The following GBP7 variants were observed in gnomAD, a reference collection of about 807,000 sequenced individuals.
GBP7 encodes the protein guanylate binding protein 7, also known as guanylate-binding protein 7.
GBP7 carries 43 observed loss-of-function variants against 61.3 expected under a neutral mutation model. The observed-to-expected ratio is 0.70, with a 90% CI of 0.55 to 0.91. The LOEUF (loss-of-function observed/expected upper bound fraction) is 0.91, where lower values mean the gene tolerates loss of function less well. GBP7 is among the 40% of genes least tolerant of loss of function. GBP7 has a pLI of 0.00. For missense variants in GBP7, 717 were observed against 740.5 expected (o/e 0.97, Z 0.37); for synonymous variants, 267 against 271.0 (o/e 0.99, Z 0.14).
chr1:89,158,205 G>A (rs1007161937), intron 3 of GBP7, among the ~76,000 whole-genome samples: 1 of 152,064 alleles, frequency 6.6e-6, no homozygotes, highest in African/African-American at 2.4e-5. Context: ...TTGATGGGAT[G>A]TATTTCAAAA....
chr1:89,138,821 T>G (rs1479816237), intron 9 of GBP7, among the ~76,000 whole-genome samples: 1 of 152,016 alleles, frequency 6.6e-6, no homozygotes, highest in Non-Finnish European at 1.5e-5. Flanking sequence ...GAACAAAAAG[T>G]TAACAAGAGG....
chr1:89,165,552 A>T (rs535370323), intron 2 of GBP7, among the ~76,000 whole-genome samples: 1 of 151,894 alleles, frequency 6.6e-6, no homozygotes, highest in Non-Finnish European at 1.5e-5. Context: ...ATGAAGGGTC[A>T]TGTCCTCAGT....
chr1:89,172,350 A>T (rs1186277235), intron 1 of GBP7, among the ~76,000 whole-genome samples: 1 of 152,190 alleles, frequency 6.6e-6, no homozygotes, highest in Non-Finnish European at 1.5e-5. Flanking sequence ...CCAATCCAGG[A>T]TCCCTCATTG....
chr1:89,133,435 C>G lies in GBP7; in HGVS notation c.1485G>C (p.Lys495Asn), dbSNP rs750696119. 6.2e-7 allele frequency: 1 copy of G among 1,613,954 alleles called. No individual in the cohort carries two copies. Among genetic ancestry groups the G allele is most frequent in the South Asian group, 1.1e-5 (1 of 91,086 alleles). ...GCTCCTGTTCCTTTTCAGCTGCCTC[C>G]TTCTTAGCCTGCTTAGCTGTTCCAC... is the stretch of plus-strand genomic sequence containing the variant. ...EKAIAAKQAK[K>N]EAAEKEQELL... The change falls in exon 10 of 11, where the codon AAG becomes AAC. Residue 495 changes from lysine to asparagine, a missense_variant. Physicochemically the swap from Lys to Asn is moderately conservative, Grantham distance 94 (BLOSUM62 0). This residue lies in a region of GBP7 where 312 missense variants were observed against 310.1 expected (regional missense o/e 1.01). Coordinates refer to ENST00000294671, the MANE Select transcript of GBP7 (RefSeq NM_207398.3).
chr1:89,150,810 C>T (rs1464974722), intron 5 of GBP7, among the ~76,000 whole-genome samples: 1 of 152,150 alleles, frequency 6.6e-6, no homozygotes, highest in Non-Finnish European at 1.5e-5. Flanking sequence ...GGGAATGCAT[C>T]CACCTCAAGT....
At chr1:89,134,830 T>C (rs1395079169) in intron 9 of GBP7, among the ~76,000 whole-genome samples, 1 of 152,152 alleles carries the variant, frequency 6.6e-6, no homozygotes, top group African/African-American at 2.4e-5. Context: ...TCCTCAGCAA[T>C]AGTTCCTAAT....
intron 2 of GBP7, among the ~76,000 whole-genome samples, chr1:89,166,044 C>A (rs1368982963): frequency 6.6e-6 from 1 of 152,134 alleles, no homozygotes; most frequent in East Asian, 1.9e-4. Context: ...TTGGACTTCC[C>A]AACCTCCAGA....
chr1:89,155,124 C>T (rs995161591), intron 3 of GBP7, among the ~76,000 whole-genome samples: 8 of 152,242 alleles, frequency 5.3e-5, no homozygotes, highest in Admixed American at 1.3e-4. Flanking sequence ...TCCAACAGAC[C>T]TGCAGCTGAA....
chr1:89,162,571 T>C (rs1647307891), intron 3 of GBP7, among the ~76,000 whole-genome samples: 3 of 152,172 alleles, frequency 2.0e-5, no homozygotes, highest in Admixed American at 2.0e-4. Flanking sequence ...TTGACTGTGG[T>C]TGGTGTATAG....
At chr1:89,138,607 T>C (rs1681865746) in intron 9 of GBP7, among the ~76,000 whole-genome samples, 1 of 152,148 alleles carries the variant, frequency 6.6e-6, no homozygotes, top group Admixed American at 6.6e-5. Context: ...TAAATGGTGC[T>C]GGGTTAACTG....
chr1:89,149,837 T>C (rs1682152840), intron 6 of GBP7, among the ~76,000 whole-genome samples: 1 of 151,858 alleles, frequency 6.6e-6, no homozygotes, highest in East Asian at 1.9e-4. Context: ...TCACAAACAA[T>C]ATGTAGCAAG....
At chr1:89,153,501 A>G (rs898595726) in intron 3 of GBP7, among the ~76,000 whole-genome samples, 5 of 152,186 alleles carry the variant, frequency 3.3e-5, no homozygotes, top group African/African-American at 9.6e-5. Flanking sequence ...TCCTTTTGCA[A>G]ATTTTCTCAA....
chr1:89,132,234 GC>G lies in GBP7; in HGVS notation c.1831del (p.Ala611LeufsTer4), dbSNP rs779586713. ...GSIFIAALPGAAKLVDLGMKI... is the reference protein window; with the variant it reads ...GSIFIAALPGXAKLVDLGMKI... ...CATTCCTAAATCAACTAGCTTAGCA[GC>G]CCCAGGTAGTGCTGCAATAAATATA... On this transcript the variant is annotated frameshift_variant, in exon 11 of 11. Coordinates refer to ENST00000294671, the MANE Select transcript of GBP7 (RefSeq NM_207398.3). LOFTEE classifies it low-confidence loss of function (END_TRUNC). The G allele has an allele frequency of 1.6e-5, 26 of 1,613,384 alleles. No individual in the cohort carries two copies. Among genetic ancestry groups the G allele is most frequent in the Non-Finnish European group, 2.1e-5 (25 of 1,179,522 alleles).
intron 5 of GBP7, among the ~76,000 whole-genome samples, chr1:89,151,343 A>G (rs926683013): frequency 3.3e-5 from 5 of 152,206 alleles, no homozygotes; most frequent in Non-Finnish European, 5.9e-5. Context: ...ACATAGCATC[A>G]TGGACTTTCT....
chr1:89,148,951 G>A (rs952053549), intron 7 of GBP7, among the ~76,000 whole-genome samples: 2 of 152,082 alleles, frequency 1.3e-5, no homozygotes, highest in Non-Finnish European at 2.9e-5. Flanking sequence ...ACTAAATCAA[G>A]CTAATTAACA....
chr1:89,148,804 A>C (rs764750057), intron 7 of GBP7, among the ~76,000 whole-genome samples: 1 of 152,214 alleles, frequency 6.6e-6, no homozygotes, highest in Non-Finnish European at 1.5e-5. Context: ...TTCCACACTC[A>C]GTCAGGCAAG....
At chr1:89,149,657 CAG>C (rs1682147955) in intron 6 of GBP7, 85 bp from the exon 7 acceptor site, 1 of 1,187,796 alleles carries the variant, frequency 8.4e-7, no homozygotes, top group Non-Finnish European at 1.2e-6. Context: ...TTCTAAAAAT[CAG>C]AAAAAATTCC....
rs1016005769 is a variant in GBP7 at position 89,131,857 on chromosome 1, T to C, written c.*292A>G. On this transcript the variant is annotated 3_prime_UTR_variant, in exon 11 of 11. Transcript: ENST00000294671. ...CTCACTGATTTGCAAGAGCTAATTA[T>C]AACTTAAATTATCTCTGTGACTATA... is the stretch of plus-strand genomic sequence containing the variant. 3 of 218,968 alleles carry C rather than the reference T, an allele frequency of 1.4e-5. No homozygotes were observed. In the South Asian group the frequency reaches 3.9e-4, roughly 28 times the overall value. 13.6% of individuals were successfully genotyped at this position (218,968 alleles called of 1,614,324 possible).
At chr1:89,147,879 A>ATGAGTT in intron 7 of GBP7, 100 bp from the exon 8 acceptor site, 2 of 1,221,456 alleles carry the variant, frequency 1.6e-6, no homozygotes, top group Non-Finnish European at 2.4e-6. Flanking sequence ...GCCTCAGAGC[A>ATGAGTT]GGCTGAGTTA....
Sources: allele counts gnomAD v4.1 joint callset (sites outside exome capture counted in the v4.1 genomes callset), GRCh38; gene constraint gnomAD v4.1.1; regional missense constraint gnomAD v4.1.1; transcripts MANE v1.5; gene names NCBI Gene and HGNC (gene_info 2026-07-23, HGNC 2026-07-21).